HPSE2: variants seen among roughly 807,000 people sequenced by gnomAD.
HPSE2 encodes the protein heparanase 2 (inactive).
In HPSE2, 38 loss-of-function variants were observed where a neutral mutation model predicts 60.5. That is an observed-to-expected ratio of 0.63 (90% confidence interval 0.48 to 0.82). The LOEUF is 0.82. Among genes scored for constraint, HPSE2 ranks in the 40% least tolerant of loss-of-function variants. HPSE2 has a pLI of 0.00. For synonymous variants in HPSE2, 295 were observed against 293.2 expected, an observed-to-expected ratio of 1.01 and a Z score of -0.06; for missense variants, 713 against 740.4, an observed-to-expected ratio of 0.96 and a Z score of 0.43.
At chr10:98,864,054 G>T (rs979076549) in intron 3 of HPSE2, among the ~76,000 whole-genome samples, 5 of 152,012 alleles carry the variant, frequency 3.3e-5, no homozygotes, top group African/African-American at 1.2e-4. Context: ...TTCTAATTCT[G>T]AGATTCCCAG....
chr10:98,472,633 G>A (rs796512837), intron 11 of HPSE2, among the ~76,000 whole-genome samples: 31 of 152,258 alleles, frequency 2.0e-4, no homozygotes, highest in African/African-American at 7.0e-4. Context: ...CTTTCACCAT[G>A]CATCAAAACA....
the HPSE2 span, among the ~76,000 whole-genome samples, chr10:99,284,147 A>G: frequency 6.6e-6 from 1 of 152,204 alleles, no homozygotes; most frequent in African/African-American, 2.4e-5. Flanking sequence ...CAGCAAGCAT[A>G]TTAAATGCTT....
At chr10:99,183,091 C>T (rs898749057) in intron 2 of HPSE2, among the ~76,000 whole-genome samples, 1 of 152,080 alleles carries the variant, frequency 6.6e-6, no homozygotes, top group Non-Finnish European at 1.5e-5. Flanking sequence ...CCTATGAGTA[C>T]CCCCACCTCA....
chr10:99,119,410 A>C (rs1458704869), intron 3 of HPSE2, among the ~76,000 whole-genome samples: 1 of 152,216 alleles, frequency 6.6e-6, no homozygotes, highest in African/African-American at 2.4e-5. Context: ...TCTATAAGCA[A>C]AACTACAAAA....
chr10:98,621,456 T>C (rs550064402), intron 7 of HPSE2, among the ~76,000 whole-genome samples: 3 of 152,288 alleles, frequency 2.0e-5, no homozygotes, highest in African/African-American at 7.2e-5. Flanking sequence ...TAAGATTGTA[T>C]ACTGGGTAGC....
At chr10:99,055,539 G>A (rs1958092099) in intron 3 of HPSE2, among the ~76,000 whole-genome samples, 1 of 151,960 alleles carries the variant, frequency 6.6e-6, no homozygotes, top group South Asian at 2.1e-4. Flanking sequence ...ATAAAATATT[G>A]GAAAAAATAA....
chr10:99,265,292 C>T, the HPSE2 span, among the ~76,000 whole-genome samples: 5 of 152,186 alleles, frequency 3.3e-5, no homozygotes, highest in South Asian at 4.1e-4. Context: ...ACTCTCTTTT[C>T]GGACTCAGTC....
rs367833689 is a variant in HPSE2, at chr10:98,572,768, C to T, written c.1320+42136G>A. ...TGGAGTTAGTCACAGGCTCCACATG[C>T]CTCCTGTGTGAAATCCCCCCAACAA... On this transcript the variant is annotated intron_variant, in intron 9 of 11. Coordinates refer to ENST00000370552, the MANE Select transcript of HPSE2 (RefSeq NM_021828.5). Among the ~76,000 whole-genome samples, 6 of 152,308 alleles carry T rather than the reference C, an allele frequency of 3.9e-5. No homozygotes were observed. In the East Asian group the frequency reaches 9.7e-4, roughly 25 times the overall value.
intron 3 of HPSE2, among the ~76,000 whole-genome samples, chr10:99,055,433 A>G (rs1019791145): frequency 6.6e-6 from 1 of 152,166 alleles, no homozygotes; most frequent in Non-Finnish European, 1.5e-5. Context: ...TGAAGAAGAG[A>G]GGGAAGAAAT....
chr10:99,175,134 C>T (rs1847473389), intron 2 of HPSE2, among the ~76,000 whole-genome samples: 2 of 152,208 alleles, frequency 1.3e-5, no homozygotes, highest in Non-Finnish European at 2.9e-5. Flanking sequence ...CAGGAGGTAC[C>T]CTCAGGTGCC....
At chr10:99,125,335 A>G (rs1184098692) in intron 3 of HPSE2, among the ~76,000 whole-genome samples, 3 of 152,204 alleles carry the variant, frequency 2.0e-5, no homozygotes, top group African/African-American at 2.4e-5. Flanking sequence ...CTTCCATGAT[A>G]AAAATTTAAT....
chr10:98,620,881 CA>C (rs1946056017), intron 7 of HPSE2, among the ~76,000 whole-genome samples, 173 bp from the exon 8 acceptor site: 1 of 152,110 alleles, frequency 6.6e-6, no homozygotes, highest in Non-Finnish European at 1.5e-5. Flanking sequence ...ATTCACAAAC[CA>C]AAATGCATTA....
At chr10:98,483,449 T>C (rs1941320885) in intron 10 of HPSE2, among the ~76,000 whole-genome samples, 1 of 152,236 alleles carries the variant, frequency 6.6e-6, no homozygotes, top group South Asian at 2.1e-4. Context: ...ATAAATTATG[T>C]CATGTGTATA....
chr10:98,533,791 A>AC (rs1227220727), intron 9 of HPSE2, among the ~76,000 whole-genome samples: 7 of 152,222 alleles, frequency 4.6e-5, no homozygotes, highest in Non-Finnish European at 1.0e-4. Flanking sequence ...GAACAATGAA[A>AC]GCCAACGTGA....
the HPSE2 span, among the ~76,000 whole-genome samples, chr10:99,299,828 G>T: frequency 3.2e-4 from 48 of 152,232 alleles, no homozygotes; most frequent in African/African-American, 1.0e-3. Flanking sequence ...GTTTAGTTGA[G>T]GCACTCAGGA....
chr10:98,608,625 G>C (rs1945661056), intron 9 of HPSE2, among the ~76,000 whole-genome samples: 1 of 152,194 alleles, frequency 6.6e-6, no homozygotes, highest in Admixed American at 6.5e-5. Flanking sequence ...CTGACGTGGA[G>C]CCAGCCTGAG....
chr10:99,187,521 G>A (rs1848072547), intron 2 of HPSE2, among the ~76,000 whole-genome samples: 1 of 152,056 alleles, frequency 6.6e-6, no homozygotes. Context: ...CTGGTATTCT[G>A]AATATATAAA....
intron 3 of HPSE2, among the ~76,000 whole-genome samples, chr10:99,023,081 A>C (rs1362700728): frequency 6.6e-6 from 1 of 152,066 alleles, no homozygotes; most frequent in Non-Finnish European, 1.5e-5. Context: ...ACTCTTGGCC[A>C]TTTCTGGACC....
chr10:99,276,753 T>C, the HPSE2 span, among the ~76,000 whole-genome samples: 1 of 152,186 alleles, frequency 6.6e-6, no homozygotes, highest in Non-Finnish European at 1.5e-5. Context: ...AATTCTTTTT[T>C]ATTCAAGCCA....
Sources: gnomAD v4.1 joint callset for allele counts (sites outside exome capture counted in the v4.1 genomes callset) on GRCh38, gnomAD v4.1.1 for gene constraint, MANE v1.5 for transcripts, NCBI Gene and HGNC (gene_info 2026-07-23, HGNC 2026-07-21) for gene names.